Variants in FMNL3 observed in about 807,000 individuals in gnomAD.
FMNL3 encodes the protein formin like 3.
In FMNL3, 57 loss-of-function variants were observed where a neutral mutation model predicts 119.6. The ratio of observed to expected loss-of-function variants is 0.48; its 90% CI spans 0.39 to 0.59. The LOEUF (loss-of-function observed/expected upper bound fraction) is 0.59, where lower values mean the gene tolerates loss of function less well. Ranked by LOEUF, FMNL3 falls within the 20% of genes least tolerant of loss-of-function variation. The pLI, the probability that FMNL3 is intolerant of heterozygous loss-of-function variation, is 0.00. For missense variants in FMNL3, 1,053 were observed against 1,323.5 expected (o/e 0.80, Z 3.17); for synonymous variants, 491 against 507.3 (o/e 0.97, Z 0.43).
Position 49,637,126 on chromosome 12 carries a change from T to C in FMNL3, c.*8689A>G. 1 of 584,544 alleles carries C rather than the reference T, an allele frequency of 1.7e-6. No individual in the cohort carries two copies. The highest frequency in any genetic ancestry group is 3.0e-6 in the Non-Finnish European group (1 of 332,314). The allele number at this position is 584,544 out of a possible 1,614,324, so 36.2% of individuals were successfully genotyped here. A position where few individuals can be genotyped will look rare whatever the true frequency, so the allele number is the denominator to read the frequency against. On this transcript the variant is annotated 3_prime_UTR_variant, in exon 26 of 26. Coordinates refer to ENST00000335154, the MANE Select transcript of FMNL3 (RefSeq NM_175736.5). ...ACTTGGCAGCTAGGCCATGTTTATT[T>C]CCCTTGGTGGGGCACCCGACAGGCA... is the stretch of plus-strand genomic sequence containing the variant.
At chr12:49,673,388 A>G (rs1236105503) in intron 1 of FMNL3, among the ~76,000 whole-genome samples, 5 of 152,170 alleles carry the variant, frequency 3.3e-5, no homozygotes, top group Non-Finnish European at 7.4e-5. Flanking sequence ...CAGTGTTCCC[A>G]CCCCATGTTC....
At chr12:49,680,379 G>C (rs1429078844) in intron 1 of FMNL3, among the ~76,000 whole-genome samples, 2 of 152,212 alleles carry the variant, frequency 1.3e-5, no homozygotes, top group African/African-American at 4.8e-5. Flanking sequence ...GCTAGGGAGA[G>C]GCTCTACAAG....
At chr12:49,701,996 A>G (rs148779379) in intron 1 of FMNL3, among the ~76,000 whole-genome samples, 199 of 152,268 alleles carry the variant, frequency 1.3e-3, no homozygotes, top group South Asian at 0.011. Context: ...AACAAACAAA[A>G]AAACTGGATA....
Position 49,647,081 on chromosome 12 carries a change from G to A in FMNL3, c.2872-72C>T. 1 of 1,604,192 alleles carries A rather than the reference G, an allele frequency of 6.2e-7. No individual in the cohort carries two copies. Among genetic ancestry groups the A allele is most frequent in the Non-Finnish European group, 8.5e-7 (1 of 1,173,512 alleles). On this transcript the variant is annotated intron_variant, in intron 24 of 25. Coordinates refer to ENST00000335154, the MANE Select transcript of FMNL3 (RefSeq NM_175736.5). This position sits in a 1 kb window ranked among gnomAD's most constrained non-coding sequence, Gnocchi z 4.9. The stretch of plus-strand genomic sequence containing the variant: ...GTGGGACTGGTTCCTGCCCCAAGGT[G>A]CAGTCTGAGGATGCCACTGCTTGTG...
Position 49,657,170 on chromosome 12 carries a change from C to T in FMNL3, c.626G>A (p.Arg209His), listed in dbSNP as rs202178648. Residue 209 changes from arginine (R) to histidine (H), a missense_variant, in exon 7 of 26, where the codon CGC (arginine) becomes CAC (histidine). Coordinates refer to ENST00000335154, the MANE Select transcript of FMNL3 (RefSeq NM_175736.5). Reference sequence around the variant, plus strand: ...TAGGCGGGAGTTCTTCAGGGCCCTGCGCCCAGGGAGAGTGCTATACCTGGG... The same window carrying T: ...TAGGCGGGAGTTCTTCAGGGCCCTGTGCCCAGGGAGAGTGCTATACCTGGG... ...SVLRYSTLPG[R>H]RALKNSRLVS... 4.2e-5 allele frequency: 67 copies of T among 1,613,896 alleles called. No homozygotes were observed. Among genetic ancestry groups the T allele is most frequent in the South Asian group, 1.6e-4 (15 of 91,088 alleles).
chr12:49,667,349 A>G (rs909452966), intron 2 of FMNL3, among the ~76,000 whole-genome samples: 21 of 152,254 alleles, frequency 1.4e-4, no homozygotes, highest in African/African-American at 4.8e-4. Context: ...AAGACCCTCA[A>G]TATCAAAGGG....
At chr12:49,679,433 A>G in intron 1 of FMNL3, among the ~76,000 whole-genome samples, 1 of 151,068 alleles carries the variant, frequency 6.6e-6, no homozygotes, top group South Asian at 2.1e-4. Flanking sequence ...ATCTCTGTGC[A>G]TTCCTTCCTC....
At chr12:49,665,751 T>A (rs1565879630) in intron 4 of FMNL3, 81 bp downstream of exon 4, 1 of 1,410,322 alleles carries the variant, frequency 7.1e-7, no homozygotes, top group Non-Finnish European at 1.0e-6. Flanking sequence ...AGGAACACCA[T>A]CCTCAGAGGA....
In FMNL3 at chr12:49,642,164, A is replaced by G; in HGVS notation, c.*3651T>C. On this transcript the variant is annotated 3_prime_UTR_variant, in exon 26 of 26. Coordinates refer to ENST00000335154, the MANE Select transcript of FMNL3 (RefSeq NM_175736.5). The surrounding 1 kb of genome is among the most constrained non-coding windows in gnomAD (Gnocchi z 5.8). ...CCCAGACCCTAACTTTCCACCTCCT[A>G]AGGTATGCCTGAGTGGGACCTGGCA... is the stretch of plus-strand genomic sequence containing the variant. 1 of 1,612,360 alleles carries G rather than the reference A, an allele frequency of 6.2e-7. No homozygotes were observed. Among genetic ancestry groups the G allele is most frequent in the Non-Finnish European group, 8.5e-7 (1 of 1,178,886 alleles).
At chr12:49,676,850 G>A (rs1425403342) in intron 1 of FMNL3, among the ~76,000 whole-genome samples, 1 of 152,076 alleles carries the variant, frequency 6.6e-6, no homozygotes, top group Non-Finnish European at 1.5e-5. Flanking sequence ...TTCATTCTGA[G>A]TTTCAACTTC....
chr12:49,689,040 C>A (rs1026743377), intron 1 of FMNL3, among the ~76,000 whole-genome samples: 1 of 152,154 alleles, frequency 6.6e-6, no homozygotes, highest in African/African-American at 2.4e-5. Context: ...ATCACTTGAG[C>A]CCAGGAATTC....
intron 14 of FMNL3, 90 bp from the exon 15 acceptor site, chr12:49,651,540 AG>A: frequency 3.9e-6 from 4 of 1,025,070 alleles, no homozygotes; most frequent in African/African-American, 1.7e-5. Context: ...CTTCTCTGAG[AG>A]TTAAAAAAAA....
Position 49,643,029 on chromosome 12 carries a change from G to A in FMNL3, c.*2786C>T, listed in dbSNP as rs1260598347. ...CCACTCACCCTCAGTGAGTAAGCGTGTAGAAGGGACATGGGGTGAAGCTGG... is the reference window on the plus strand; with the variant it reads ...CCACTCACCCTCAGTGAGTAAGCGTATAGAAGGGACATGGGGTGAAGCTGG... On this transcript the variant is annotated 3_prime_UTR_variant, in exon 26 of 26. Coordinates refer to ENST00000335154, the MANE Select transcript of FMNL3 (RefSeq NM_175736.5). 3 of 1,612,938 alleles carry A rather than the reference G, an allele frequency of 1.9e-6. No homozygotes were observed. Among genetic ancestry groups the A allele is most frequent in the Non-Finnish European group, 1.7e-6 (2 of 1,179,190 alleles).
At chr12:49,651,053 G>T in intron 16 of FMNL3, 115 bp downstream of exon 16, 1 of 1,503,632 alleles carries the variant, frequency 6.7e-7, no homozygotes, top group Non-Finnish European at 9.1e-7. Context: ...AAGGGTTGGT[G>T]GAGCTAAGCC....
At position 49,643,347 on chromosome 12, in the gene FMNL3, G is replaced by A. The variant is rs1262575889; in HGVS notation, c.*2468C>T. ...TCACTTGATTCAGTTGAAAGTGGGG[G>A]TGCTGCCCTTGGAGGACGGGGCTCC... On this transcript the variant is annotated 3_prime_UTR_variant, in exon 26 of 26. Transcript: ENST00000335154. 1 of 1,602,990 alleles carries A rather than the reference G, an allele frequency of 6.2e-7. No individual in the cohort carries two copies. Among genetic ancestry groups the A allele is most frequent in the South Asian group, 1.1e-5 (1 of 89,602 alleles).
chr12:49,703,314 A>C (rs1944959036), intron 1 of FMNL3, among the ~76,000 whole-genome samples: 1 of 152,154 alleles, frequency 6.6e-6, no homozygotes, highest in South Asian at 2.1e-4. Flanking sequence ...TTGGGTAGTA[A>C]TCTAGTTTGG....
rs1371214191 is a variant in FMNL3, at chr12:49,645,132, G to A, written c.*683C>T. ...AAAAAAAAAAAAAAAAAAAAAAACC[G>A]TAGCTGAGGAAAGAAGGTGAAGAGT... On this transcript the variant is annotated 3_prime_UTR_variant, in exon 26 of 26. Transcript: ENST00000335154. 1 of 125,592 alleles carries A rather than the reference G, an allele frequency of 8.0e-6. No individual in the cohort carries two copies. Among genetic ancestry groups the A allele is most frequent in the East Asian group, 2.2e-4 (1 of 4,564 alleles). 7.8% of individuals were successfully genotyped at this position (125,592 alleles called of 1,614,324 possible).
chr12:49,694,684 G>C (rs1432982262), intron 1 of FMNL3, among the ~76,000 whole-genome samples: 2 of 152,120 alleles, frequency 1.3e-5, no homozygotes, highest in Non-Finnish European at 2.9e-5. Context: ...GCCGAGGCAG[G>C]TGGATCACGA....
chr12:49,664,080 T>A (rs1482813331), intron 4 of FMNL3, among the ~76,000 whole-genome samples: 4 of 152,128 alleles, frequency 2.6e-5, no homozygotes, highest in Non-Finnish European at 5.9e-5. Flanking sequence ...AAACCTCATC[T>A]CTACTAAAAA....
Sources: gnomAD v4.1 joint callset for allele counts (sites outside exome capture counted in the v4.1 genomes callset) on GRCh38, gnomAD v4.1.1 for gene constraint, Gnocchi (gnomAD v3.1) non-coding constraint, MANE v1.5 for transcripts, NCBI Gene and HGNC (gene_info 2026-07-23, HGNC 2026-07-21) for gene names.